TBC1D23: variants seen among roughly 807,000 people sequenced by gnomAD.
TBC1D23 encodes the protein TBC1 domain family member 23, also known as HCV non-structural protein 4A-transactivated protein 1.
A neutral mutation model predicts 91.4 loss-of-function variants in TBC1D23; 55 were observed. The observed-to-expected ratio is 0.60, with a 90% CI of 0.48 to 0.75. The LOEUF (loss-of-function observed/expected upper bound fraction) is 0.75. Ranked by LOEUF, TBC1D23 falls within the 30% of genes least tolerant of loss-of-function variation. The pLI, the probability that TBC1D23 is intolerant of heterozygous loss-of-function variation, is 0.00. For missense variants in TBC1D23, 725 were observed against 836.1 expected (o/e 0.87, Z 1.64); for synonymous variants, 289 against 281.0 (o/e 1.03, Z -0.28).
At chr3:100,296,335 C>T in intron 8 of TBC1D23, 60 bp downstream of exon 8, 2 of 954,352 alleles carry the variant, frequency 2.1e-6, no homozygotes, top group South Asian at 1.6e-5. Flanking sequence ...TGTTTTATTA[C>T]TTTATATTCA....
chr3:100,298,741 A>G (rs945462699), intron 9 of TBC1D23, among the ~76,000 whole-genome samples: 58 of 152,232 alleles, frequency 3.8e-4, no homozygotes, highest in African/African-American at 1.4e-3. Context: ...AAATGAAAAC[A>G]TGTTATCCAG....
At chr3:100,319,779 G>A (rs1233347552) in intron 17 of TBC1D23, among the ~76,000 whole-genome samples, 4 of 151,712 alleles carry the variant, frequency 2.6e-5, no homozygotes, top group Non-Finnish European at 2.9e-5. Context: ...ACCCCATTTC[G>A]TATGTATATA....
At chr3:100,312,919 G>A (rs1705652781) in intron 15 of TBC1D23, among the ~76,000 whole-genome samples, 3 of 151,908 alleles carry the variant, frequency 2.0e-5, no homozygotes, top group Admixed American at 2.0e-4. Context: ...TTTGGGAGTT[G>A]GAGGTGGGCG....
At chr3:100,317,410 G>A (rs890528078) in intron 16 of TBC1D23, among the ~76,000 whole-genome samples, 1 of 152,042 alleles carries the variant, frequency 6.6e-6, no homozygotes, top group Non-Finnish European at 1.5e-5. Flanking sequence ...GTTGACACTG[G>A]TGGTTTTCCA....
At chr3:100,284,260 C>T (rs2067721402) in intron 4 of TBC1D23, among the ~76,000 whole-genome samples, 1 of 151,934 alleles carries the variant, frequency 6.6e-6, no homozygotes, top group Non-Finnish European at 1.5e-5. Context: ...ACAATAGTAA[C>T]CATTTTACTA....
At chr3:100,308,957 A>G (rs1705568479) in intron 13 of TBC1D23, among the ~76,000 whole-genome samples, 1 of 152,242 alleles carries the variant, frequency 6.6e-6, no homozygotes, top group Admixed American at 6.5e-5. Context: ...ATGGTGGCTC[A>G]TGCTTGTAAT....
intron 12 of TBC1D23, among the ~76,000 whole-genome samples, chr3:100,305,885 A>G (rs1576180028): frequency 6.6e-6 from 1 of 152,296 alleles, no homozygotes; most frequent in East Asian, 1.9e-4. Context: ...ATAAAACTTG[A>G]TTATTAAGCT....
intron 15 of TBC1D23, among the ~76,000 whole-genome samples, chr3:100,315,542 T>TA (rs909091923): frequency 3.3e-5 from 5 of 152,158 alleles, no homozygotes; most frequent in East Asian, 1.9e-4. Context: ...GTAACAGTAA[T>TA]AAAAAAATGT....
intron 1 of TBC1D23, among the ~76,000 whole-genome samples, chr3:100,273,661 C>T (rs772754374): frequency 3.3e-5 from 5 of 152,166 alleles, no homozygotes; most frequent in Non-Finnish European, 7.3e-5. Flanking sequence ...GATACTGGTA[C>T]AAGAACAGAC....
At chr3:100,291,688 A>T (rs1442703075) in intron 5 of TBC1D23, among the ~76,000 whole-genome samples, 1 of 151,890 alleles carries the variant, frequency 6.6e-6, no homozygotes, top group Non-Finnish European at 1.5e-5. Flanking sequence ...AAAATAAACA[A>T]CTATTTTCCA....
chr3:100,292,821 A>G (rs2067803461), intron 5 of TBC1D23, among the ~76,000 whole-genome samples: 1 of 151,990 alleles, frequency 6.6e-6, no homozygotes, highest in African/African-American at 2.4e-5. Flanking sequence ...AGCTGGTCTC[A>G]ATCTCCTGGG....
rs571188567 is a variant in TBC1D23, at chr3:100,317,848, CTA to C, written c.1688-1219_1688-1218del. ...CATAATGAAAGTGAGAAAACTGAAA[CTA>C]TGTGTATCAGTATGTATGAATTTCA... On this transcript the variant is annotated intron_variant, in intron 16 of 18. Coordinates refer to ENST00000394144, the MANE Select transcript of TBC1D23 (RefSeq NM_001199198.3). Among the ~76,000 whole-genome samples the C allele has an allele frequency of 7.2e-5, 11 of 152,158 alleles. 1 individual carries two copies. Among genetic ancestry groups the C allele is most frequent in the Admixed American group, 3.9e-4 (6 of 15,292 alleles).
At position 100,295,291 on chromosome 3, in the gene TBC1D23, C is replaced by G; in HGVS notation, c.726-11C>G. On this transcript the variant is annotated splice_polypyrimidine_tract_variant and intron_variant, in intron 6 of 18. Coordinates refer to ENST00000394144, the MANE Select transcript of TBC1D23 (RefSeq NM_001199198.3). ...ATATTTAACTCAAATTGATTTGATT[C>G]CCTTTTACAGAGAAGTTATTTTAAC... 1 of 1,608,544 alleles carries G rather than the reference C, an allele frequency of 6.2e-7. No individual in the cohort carries two copies. The highest frequency in any genetic ancestry group is 8.5e-7 in the Non-Finnish European group (1 of 1,178,024).
chr3:100,312,161 CA>C (rs1705635595), intron 15 of TBC1D23, among the ~76,000 whole-genome samples: 1 of 152,116 alleles, frequency 6.6e-6, no homozygotes, highest in South Asian at 2.1e-4. Context: ...TATTCTGAGA[CA>C]GGGGAAGGTG....
chr3:100,319,045 T>G, intron 16 of TBC1D23, 24 bp from the exon 17 acceptor site: 3 of 1,458,680 alleles, frequency 2.1e-6, no homozygotes, highest in Non-Finnish European at 2.8e-6. Flanking sequence ...AATATCCATA[T>G]TTAATACTTT....
At chr3:100,264,913 C>T (rs1411873531) in intron 1 of TBC1D23, among the ~76,000 whole-genome samples, 3 of 152,080 alleles carry the variant, frequency 2.0e-5, no homozygotes, top group African/African-American at 7.2e-5. Flanking sequence ...GATTGTGATT[C>T]AATATATTTT....
intron 11 of TBC1D23, among the ~76,000 whole-genome samples, chr3:100,302,665 C>G (rs1705454401): frequency 6.6e-6 from 1 of 152,128 alleles, no homozygotes; most frequent in African/African-American, 2.4e-5. Context: ...TGACTCAGTG[C>G]AACCTCTGCA....
intron 1 of TBC1D23, among the ~76,000 whole-genome samples, chr3:100,273,091 A>G (rs1458608856): frequency 6.6e-6 from 1 of 152,212 alleles, no homozygotes; most frequent in Non-Finnish European, 1.5e-5. Flanking sequence ...CCACGAGGCC[A>G]TATTTCAGAC....
intron 3 of TBC1D23, 79 bp downstream of exon 3, chr3:100,281,926 T>C: frequency 2.7e-6 from 2 of 744,812 alleles, no homozygotes; most frequent in Non-Finnish European, 4.4e-6. Flanking sequence ...TTCAGAATAA[T>C]CTTATAATTT....
Sources: gnomAD v4.1 joint callset for allele counts (sites outside exome capture counted in the v4.1 genomes callset) on GRCh38, gnomAD v4.1.1 for gene constraint, MANE v1.5 for transcripts, NCBI Gene and HGNC (gene_info 2026-07-23, HGNC 2026-07-21) for gene names.